Variants in B4GALNT2 observed in about 807,000 individuals in gnomAD.
The protein encoded by B4GALNT2 is beta-1,4-N-acetyl-galactosaminyltransferase 2 (SID blood group), also known as N-acetylneuraminylgalactosylglucosyl-glucoside beta-1,4-N- acetylgalactosaminyltransferase 2.
A neutral mutation model predicts 51.1 loss-of-function variants in B4GALNT2; 42 were observed. The ratio of observed to expected loss-of-function variants is 0.82; its 90% CI spans 0.64 to 1.06. The LOEUF (loss-of-function observed/expected upper bound fraction) is 1.06. B4GALNT2 is among the 50% of genes least tolerant of loss of function. B4GALNT2 has a pLI of 0.00. For missense variants in B4GALNT2, 602 were observed against 633.6 expected (o/e 0.95, Z 0.54); for synonymous variants, 253 against 251.7 (o/e 1.01, Z -0.05).
chr17:49,132,873 T>C (rs2042552086), intron 1 of B4GALNT2, 67 bp downstream of exon 1: 1 of 1,373,750 alleles, frequency 7.3e-7, no homozygotes, highest in Non-Finnish European at 9.4e-7. Context: ...CCGCGGGTCC[T>C]TTCTGGCGTC....
chr17:49,125,454 C>G, the B4GALNT2 span, among the ~76,000 whole-genome samples: 1 of 152,176 alleles, frequency 6.6e-6, no homozygotes, highest in African/African-American at 2.4e-5. Flanking sequence ...GCCACTGTTC[C>G]TGGCCAAGCT....
chr17:49,122,498 G>A, the B4GALNT2 span, among the ~76,000 whole-genome samples: 1 of 152,290 alleles, frequency 6.6e-6, no homozygotes, highest in Admixed American at 6.5e-5. Flanking sequence ...GGTTAATTAG[G>A]CAGGGTAAGA....
chr17:49,132,393 G>A, upstream of B4GALNT2: 1 of 210,520 alleles, frequency 4.8e-6, no homozygotes. Context: ...AGTGCGTGGT[G>A]AAGTGGAGGG....
intron 5 of B4GALNT2, among the ~76,000 whole-genome samples, chr17:49,157,720 C>T (rs2042823919): frequency 6.6e-6 from 1 of 152,126 alleles, no homozygotes; most frequent in Non-Finnish European, 1.5e-5. Context: ...CCTCGGTCTC[C>T]CAAAGCAGTG....
upstream of B4GALNT2, among the ~76,000 whole-genome samples, chr17:49,128,329 C>T (rs528790471): frequency 2.0e-5 from 3 of 152,062 alleles, no homozygotes; most frequent in South Asian, 2.1e-4. Context: ...GGAGGGGAAG[C>T]GGGGTTTGGG....
In B4GALNT2 at chr17:49,134,467, C is replaced by T. The variant is rs535834407; in HGVS notation, c.14+1661C>T. ...TCACCCAGGCTGGAGTGCAGTGATG[C>T]GATCTCGGCTCACTGCAATCTTTCC... On this transcript the variant is annotated intron_variant, in intron 1 of 10. Coordinates refer to ENST00000393354, the MANE Select transcript of B4GALNT2 (RefSeq NM_001159387.2). 9.2e-5 allele frequency among the ~76,000 whole-genome samples: 14 copies of T among 152,326 alleles called. No homozygotes were observed. In the South Asian group the frequency reaches 2.3e-3, roughly 25 times the overall value.
chr17:49,135,617 TAG>T (rs1299230358), intron 1 of B4GALNT2, among the ~76,000 whole-genome samples: 2 of 152,172 alleles, frequency 1.3e-5, no homozygotes, highest in Non-Finnish European at 2.9e-5. Context: ...TAATAAATTT[TAG>T]AGTCATTTTG....
chr17:49,150,079 C>T (rs1567859916), intron 3 of B4GALNT2, among the ~76,000 whole-genome samples: 1 of 152,084 alleles, frequency 6.6e-6, no homozygotes, highest in Non-Finnish European at 1.5e-5. Flanking sequence ...CGGGGGGGGT[C>T]AGCCCCCCAC....
chr17:49,166,264 A>G lies in B4GALNT2; in HGVS notation c.1095+10A>G. The G allele has an allele frequency of 6.4e-7, 1 of 1,557,992 alleles. No individual in the cohort carries two copies. Among genetic ancestry groups the G allele is most frequent in the Non-Finnish European group, 8.7e-7 (1 of 1,144,058 alleles). ...AACAGAACTGGACGTGGTAAGGGAC[A>G]GTTGCCAGTTTCACCCAGCCACAAT... On this transcript the variant is annotated intron_variant, in intron 9 of 10. Coordinates refer to ENST00000393354, the MANE Select transcript of B4GALNT2 (RefSeq NM_001159387.2).
chr17:49,148,673 G>A, intron 3 of B4GALNT2: 1 of 562,834 alleles, frequency 1.8e-6, no homozygotes, highest in Non-Finnish European at 3.3e-6. Context: ...CAACCTTCAT[G>A]ACATGAAGGT....
chr17:49,134,125 T>C (rs1372526745), intron 1 of B4GALNT2, among the ~76,000 whole-genome samples: 2 of 152,190 alleles, frequency 1.3e-5, no homozygotes, highest in African/African-American at 4.8e-5. Context: ...GGAGGCCTGA[T>C]ACTGATGCGG....
At chr17:49,145,519 C>G (rs1044487247) in intron 3 of B4GALNT2, among the ~76,000 whole-genome samples, 1 of 152,206 alleles carries the variant, frequency 6.6e-6, no homozygotes. Flanking sequence ...GTCACATGGT[C>G]GTAGCTGGTA....
chr17:49,157,840 C>G (rs564965712), intron 5 of B4GALNT2, among the ~76,000 whole-genome samples: 1 of 152,208 alleles, frequency 6.6e-6, no homozygotes, highest in Non-Finnish European at 1.5e-5. Flanking sequence ...CTCTCTTCCA[C>G]GCTGGAATAC....
chr17:49,156,111 C>A (rs1452736804), intron 4 of B4GALNT2, among the ~76,000 whole-genome samples: 1 of 152,264 alleles, frequency 6.6e-6, no homozygotes, highest in African/African-American at 2.4e-5. Flanking sequence ...TCAGTCACCA[C>A]CAGAACTTTT....
At chr17:49,147,484 C>T (rs766908927) in intron 3 of B4GALNT2, among the ~76,000 whole-genome samples, 6 of 151,618 alleles carry the variant, frequency 4.0e-5, no homozygotes, top group Non-Finnish European at 5.9e-5. Flanking sequence ...AAGGGATCCT[C>T]CCACCTCAGC....
At chr17:49,154,552 A>G (rs937006423) in intron 4 of B4GALNT2, among the ~76,000 whole-genome samples, 12 of 150,260 alleles carry the variant, frequency 8.0e-5, no homozygotes, top group South Asian at 4.2e-4. Flanking sequence ...CAGCCCCCCG[A>G]AACCTGCAAG....
At position 49,152,848 on chromosome 17, in the gene B4GALNT2, C is replaced by A; in HGVS notation, c.402C>A (p.Pro134=). Residue 134 remains proline, a synonymous_variant, in exon 4 of 11, where the codon CCC becomes CCA. Transcript: ENST00000393354. ...CCCTGCTGGTCCAGCCCAACCTCCCCTTTGGGTACCCAGTCCACGGAGTGG... is the reference window on the plus strand; with the variant it reads ...CCCTGCTGGTCCAGCCCAACCTCCCATTTGGGTACCCAGTCCACGGAGTGG... ...PLPLLVQPNL[P]FGYPVHGVEV... is the part of the protein sequence containing the mutation. The A allele has an allele frequency of 6.2e-7, 1 of 1,611,376 alleles. No individual in the cohort carries two copies. The highest frequency in any genetic ancestry group is 2.2e-5 in the East Asian group (1 of 44,790).
chr17:49,168,638 A>G, intron 9 of B4GALNT2, 43 bp from the exon 10 acceptor site: 1 of 1,575,646 alleles, frequency 6.3e-7, no homozygotes, highest in Non-Finnish European at 8.7e-7. Flanking sequence ...CAGGATGAAT[A>G]TTGATCTGCA....
intron 1 of B4GALNT2, among the ~76,000 whole-genome samples, chr17:49,134,735 A>G (rs558574197): frequency 6.6e-6 from 1 of 152,032 alleles, no homozygotes; most frequent in Non-Finnish European, 1.5e-5. Flanking sequence ...TTACAGGCGC[A>G]CGCCACCACG....
Sources: allele counts gnomAD v4.1 joint callset (sites outside exome capture counted in the v4.1 genomes callset), GRCh38; gene constraint gnomAD v4.1.1; transcripts MANE v1.5; gene names NCBI Gene and HGNC (gene_info 2026-07-23, HGNC 2026-07-21).